NTM: variants seen among roughly 807,000 people sequenced by gnomAD.
NTM encodes the protein neurotrimin, also known as IgLON family member 2.
NTM carries 13 observed loss-of-function variants against 42.1 expected under a neutral mutation model. The ratio of observed to expected loss-of-function variants is 0.31; its 90% CI spans 0.20 to 0.49. The LOEUF (loss-of-function observed/expected upper bound fraction) is 0.49, where lower values mean the gene tolerates loss of function less well. NTM is among the 20% of genes least tolerant of loss of function. The pLI is 0.99. For synonymous variants in NTM, 187 were observed against 179.2 expected (o/e 1.04, Z -0.35); for missense variants, 373 against 452.8 (o/e 0.82, Z 1.60).
At chr11:132,145,423 G>T (rs2070167988) in intron 2 of NTM, among the ~76,000 whole-genome samples, 1 of 152,118 alleles carries the variant, frequency 6.6e-6, no homozygotes, top group Non-Finnish European at 1.5e-5. Flanking sequence ...TTAGCCTAAG[G>T]CCATGGAACA....
chr11:132,297,455 G>A (rs1455906970), intron 4 of NTM, among the ~76,000 whole-genome samples: 2 of 152,170 alleles, frequency 1.3e-5, no homozygotes, highest in African/African-American at 4.8e-5. Flanking sequence ...CAGCCAGTGG[G>A]CATGGGCCTC....
intron 1 of NTM, among the ~76,000 whole-genome samples, chr11:131,825,441 T>C (rs541133059): frequency 1.2e-3 from 178 of 152,274 alleles, no homozygotes; most frequent in African/African-American, 4.0e-3. Flanking sequence ...AGGCTGGATA[T>C]GAGGCTAGCA....
Position 131,889,781 on chromosome 11 carries a change from C to T in NTM, c.83-21783C>T, listed in dbSNP as rs182347444. Among the ~76,000 whole-genome samples, 747 of 152,134 alleles carry T rather than the reference C, an allele frequency of 4.9e-3. 1 individual carries two copies. The highest frequency in any genetic ancestry group is 6.3e-3 in the Non-Finnish European group (429 of 68,012). On this transcript the variant is annotated intron_variant, in intron 1 of 8. Transcript: ENST00000683400. ...TGAAGAAACTGGGGGAAGGAAAGTA[C>T]AGGAACCCAAGAGGCATGGAGCACT...
chr11:131,555,788 C>T (rs1419196888), intron 1 of NTM, among the ~76,000 whole-genome samples: 1 of 152,114 alleles, frequency 6.6e-6, no homozygotes, highest in African/African-American at 2.4e-5. Flanking sequence ...CCCCGTGGGG[C>T]ACAGAACCGC....
rs1379617439 is a variant in NTM at position 132,043,571 on chromosome 11, T to C, written c.168-102711T>C. On this transcript the variant is annotated intron_variant, in intron 2 of 8. Coordinates refer to ENST00000683400, the MANE Select transcript of NTM (RefSeq NM_001352005.2). ...CTCTGACTCAGCCAGTTTTTACAGA[T>C]TGTTGATTTGGGTTCAGTTATAGTT... Among the ~76,000 whole-genome samples the C allele has an allele frequency of 2.6e-5, 4 of 152,180 alleles. No individual in the cohort carries two copies. In the East Asian group the frequency reaches 7.7e-4, roughly 29 times the overall value.
At chr11:132,207,201 G>T (rs2082106922) in intron 3 of NTM, among the ~76,000 whole-genome samples, 1 of 152,194 alleles carries the variant, frequency 6.6e-6, no homozygotes, top group African/African-American at 2.4e-5. Flanking sequence ...GTGGGTGAGT[G>T]AGTGAAGCTT....
At chr11:131,937,129 C>T (rs953019193) in intron 2 of NTM, among the ~76,000 whole-genome samples, 2 of 152,130 alleles carry the variant, frequency 1.3e-5, no homozygotes, top group South Asian at 2.1e-4. Flanking sequence ...GTATCAAAAA[C>T]GTCTACTCTT....
chr11:132,316,820 A>G (rs1478600727), intron 7 of NTM, among the ~76,000 whole-genome samples: 1 of 152,174 alleles, frequency 6.6e-6, no homozygotes, highest in Non-Finnish European at 1.5e-5. Flanking sequence ...ATTGAGGCTC[A>G]CCATCAATGA....
At chr11:131,421,309 G>A (rs1286450200) in intron 1 of NTM, among the ~76,000 whole-genome samples, 3 of 152,230 alleles carry the variant, frequency 2.0e-5, no homozygotes, top group Admixed American at 6.5e-5. Flanking sequence ...GTTCACCTGT[G>A]CAAGAGAGGA....
At chr11:131,866,427 C>G (rs482973) in intron 1 of NTM, among the ~76,000 whole-genome samples, 12,269 of 152,342 alleles carry the variant, frequency 0.081, 871 homozygotes, top group East Asian at 0.37. Flanking sequence ...GGAACAAACC[C>G]AAGGGCAGGC....
intron 1 of NTM, among the ~76,000 whole-genome samples, chr11:131,751,572 A>G (rs1388733403): frequency 2.7e-5 from 4 of 149,638 alleles, no homozygotes; most frequent in African/African-American, 9.9e-5. Context: ...CCTGGGCAAA[A>G]GAGCAAGACT....
intron 8 of NTM, chr11:132,332,683 G>C (rs1047518676): frequency 1.3e-5 from 2 of 152,232 alleles, no homozygotes; most frequent in African/African-American, 4.8e-5. Context: ...TCTGCCACAG[G>C]GGGTGTTTGC....
chr11:131,789,525 A>G (rs1364334791), intron 1 of NTM, among the ~76,000 whole-genome samples: 5 of 25,192 alleles, frequency 2.0e-4, no homozygotes, highest in East Asian at 3.0e-3. Flanking sequence ...GAAGAAGAAG[A>G]AGAAGAAGAA....
intron 1 of NTM, among the ~76,000 whole-genome samples, chr11:131,567,543 C>G (rs774155648): frequency 6.6e-5 from 10 of 152,108 alleles, no homozygotes; most frequent in Non-Finnish European, 1.3e-4. Flanking sequence ...AAAGCTCTGA[C>G]CTGGAAAGCC....
chr11:131,805,498 GA>G (rs1316030190), intron 1 of NTM, among the ~76,000 whole-genome samples: 2 of 152,142 alleles, frequency 1.3e-5, no homozygotes, highest in African/African-American at 4.8e-5. Context: ...GATTATATTA[GA>G]ATTTGGATTC....
At chr11:131,775,054 T>C (rs917474649) in intron 1 of NTM, among the ~76,000 whole-genome samples, 1 of 152,250 alleles carries the variant, frequency 6.6e-6, no homozygotes, top group Non-Finnish European at 1.5e-5. Flanking sequence ...ACAGTCAGTA[T>C]GACCATTGCT....
At chr11:131,383,944 G>A (rs1943007521) in intron 1 of NTM, among the ~76,000 whole-genome samples, 1 of 152,124 alleles carries the variant, frequency 6.6e-6, no homozygotes, top group Admixed American at 6.5e-5. Context: ...AGAGACATGG[G>A]GGTATTCAAA....
intron 1 of NTM, among the ~76,000 whole-genome samples, chr11:131,735,231 G>A (rs555908477): frequency 2.0e-5 from 3 of 152,300 alleles, no homozygotes; most frequent in African/African-American, 7.2e-5. Flanking sequence ...AAGCTCCAAG[G>A]CACTCTTCAC....
chr11:131,543,792 C>G lies in NTM; in HGVS notation c.82+172904C>G, dbSNP rs536715942. Among the ~76,000 whole-genome samples, 57 of 152,326 alleles carry G rather than the reference C, an allele frequency of 3.7e-4. 1 individual carries two copies. The South Asian group carries it at 0.012, about 31-fold the overall frequency. On this transcript the variant is annotated intron_variant, in intron 1 of 8. Transcript: ENST00000683400. ...CTGGTAACAGTTGGTAAACGAGTCC[C>G]AGTCTAGCCGCTTATGCAGGATGGT...
Sources: gnomAD v4.1 joint callset for allele counts (sites outside exome capture counted in the v4.1 genomes callset) on GRCh38, gnomAD v4.1.1 for gene constraint, MANE v1.5 for transcripts, NCBI Gene and HGNC (gene_info 2026-07-23, HGNC 2026-07-21) for gene names.